Variants in SDK1 observed in about 807,000 individuals in gnomAD.
SDK1 encodes the protein sidekick cell adhesion molecule 1.
In SDK1, 157 loss-of-function variants were observed where a neutral mutation model predicts 245.5. The observed-to-expected ratio is 0.64, with a 90% confidence interval of 0.56 to 0.73. The LOEUF is 0.73. Among genes scored for constraint, SDK1 ranks in the 30% least tolerant of loss-of-function variants. The pLI, the probability that SDK1 is intolerant of heterozygous loss-of-function variation, is 0.00. For missense variants in SDK1, 3,583 were observed against 3,002.3 expected (o/e 1.19, Z -4.52); for synonymous variants, 1,647 against 1,278.5 (o/e 1.29, Z -6.15).
At chr7:3,434,506 G>T (rs1458468324) in intron 1 of SDK1, among the ~76,000 whole-genome samples, 1 of 152,136 alleles carries the variant, frequency 6.6e-6, no homozygotes, top group Non-Finnish European at 1.5e-5. Flanking sequence ...ATTTATTAAG[G>T]ATCTTGCATG....
intron 1 of SDK1, among the ~76,000 whole-genome samples, chr7:3,462,875 A>AGT (rs1780876574): frequency 6.6e-6 from 1 of 152,192 alleles, no homozygotes; most frequent in South Asian, 2.1e-4. Flanking sequence ...GGGAAACAGA[A>AGT]GTGATATCAT....
At chr7:3,450,076 G>T (rs1363881243) in intron 1 of SDK1, among the ~76,000 whole-genome samples, 2 of 152,226 alleles carry the variant, frequency 1.3e-5, no homozygotes, top group Non-Finnish European at 2.9e-5. Context: ...GGAGGGAGAG[G>T]AGCTTTCAAC....
At chr7:4,127,208 A>G (rs1355915495) in intron 25 of SDK1, among the ~76,000 whole-genome samples, 173 bp from the exon 26 acceptor site, 4 of 152,232 alleles carry the variant, frequency 2.6e-5, no homozygotes, top group Non-Finnish European at 5.9e-5. Context: ...TGTTGCTAAT[A>G]TTAAAGAGAT....
At chr7:4,008,955 T>A (rs1583814654) in intron 14 of SDK1, among the ~76,000 whole-genome samples, 1 of 152,240 alleles carries the variant, frequency 6.6e-6, no homozygotes, top group African/African-American at 2.4e-5. Flanking sequence ...CTGTCTTAAT[T>A]TTTTGAAGAG....
intron 4 of SDK1, among the ~76,000 whole-genome samples, chr7:3,661,908 A>G (rs1479988911): frequency 2.6e-5 from 4 of 152,160 alleles, no homozygotes; most frequent in African/African-American, 9.7e-5. Flanking sequence ...CTGTTTAAGC[A>G]CGTGCAACTC....
intron 1 of SDK1, among the ~76,000 whole-genome samples, chr7:3,415,759 A>T (rs1779348011): frequency 6.6e-6 from 1 of 151,448 alleles, no homozygotes; most frequent in East Asian, 1.9e-4. Flanking sequence ...CATTTCTGTT[A>T]CATGACTGTA....
intron 1 of SDK1, among the ~76,000 whole-genome samples, chr7:3,538,472 A>T (rs1778959494): frequency 6.6e-6 from 1 of 152,102 alleles, no homozygotes; most frequent in African/African-American, 2.4e-5. Context: ...GAATTTCCTT[A>T]TTTACCGTGA....
chr7:3,584,432 A>T (rs1034807517), intron 1 of SDK1, among the ~76,000 whole-genome samples: 1 of 151,998 alleles, frequency 6.6e-6, no homozygotes, highest in Non-Finnish European at 1.5e-5. Flanking sequence ...TCGTTTCTGG[A>T]CTTGGATAAA....
intron 4 of SDK1, among the ~76,000 whole-genome samples, chr7:3,664,183 A>T (rs1257129666): frequency 6.6e-6 from 1 of 152,150 alleles, no homozygotes; most frequent in African/African-American, 2.4e-5. Flanking sequence ...TGACAAAAAC[A>T]TACATACCTT....
intron 4 of SDK1, among the ~76,000 whole-genome samples, chr7:3,657,833 T>A (rs1783236636): frequency 6.6e-6 from 1 of 152,184 alleles, no homozygotes; most frequent in Non-Finnish European, 1.5e-5. Flanking sequence ...ACACCAATTT[T>A]GTGGATGACT....
intron 10 of SDK1, 57 bp from the exon 11 acceptor site, chr7:3,969,200 T>G: frequency 6.9e-7 from 1 of 1,441,194 alleles, no homozygotes. Context: ...AACCACTATC[T>G]TCATTTCCTT....
In SDK1 at chr7:4,093,445, T is replaced by G. The variant is rs545762860; in HGVS notation, c.3324+13861T>G. Among the ~76,000 whole-genome samples, 86 of 119,680 alleles carry G rather than the reference T, an allele frequency of 7.2e-4. 1 individual carries two copies. Among genetic ancestry groups the G allele is most frequent in the African/African-American group, 2.5e-3 (82 of 32,398 alleles). The allele number at this position is 119,680 out of a possible 152,430, so 78.5% of individuals were successfully genotyped here. A position where few individuals can be genotyped will look rare whatever the true frequency, so the allele number is the denominator to read the frequency against. On this transcript the variant is annotated intron_variant, in intron 22 of 44. Transcript: ENST00000404826. ...GGTACAGCTAAAACTGTTTTCATTCTGAAAATGGAAAGCAAAAAAAAAAAA... is the reference window on the plus strand; with the variant it reads ...GGTACAGCTAAAACTGTTTTCATTCGGAAAATGGAAAGCAAAAAAAAAAAA...
chr7:3,514,215 T>C (rs554700840), intron 1 of SDK1, among the ~76,000 whole-genome samples: 1 of 152,314 alleles, frequency 6.6e-6, no homozygotes, highest in South Asian at 2.1e-4. Context: ...GTCTGATTTT[T>C]GTGTATAGGA....
chr7:3,876,865 G>C (rs543365021), intron 5 of SDK1, among the ~76,000 whole-genome samples: 1 of 152,126 alleles, frequency 6.6e-6, no homozygotes, highest in Non-Finnish European at 1.5e-5. Flanking sequence ...CTTCACACAG[G>C]GGCCCCAAAA....
At chr7:3,394,644 A>G (rs537347025) in intron 1 of SDK1, among the ~76,000 whole-genome samples, 2 of 152,064 alleles carry the variant, frequency 1.3e-5, no homozygotes, top group Non-Finnish European at 2.9e-5. Flanking sequence ...GAGTCTTTCG[A>G]TCCATAAATA....
rs563516729 is a variant in SDK1, at chr7:3,842,337, C to T, written c.847+20754C>T. On this transcript the variant is annotated intron_variant, in intron 5 of 44. Coordinates refer to ENST00000404826, the MANE Select transcript of SDK1 (RefSeq NM_152744.4). Reference sequence around the variant, plus strand: ...TCCACTGGAGAATACCCAAGGGTGCCCTGGACCAACAGTCAAAGAAGTCAC... The same window carrying T: ...TCCACTGGAGAATACCCAAGGGTGCTCTGGACCAACAGTCAAAGAAGTCAC... Among the ~76,000 whole-genome samples the T allele has an allele frequency of 2.9e-4, 44 of 152,270 alleles. 1 individual carries two copies. The South Asian group carries it at 8.7e-3, about 30-fold the overall frequency.
intron 4 of SDK1, among the ~76,000 whole-genome samples, chr7:3,679,435 C>T (rs1038794669): frequency 1.1e-4 from 16 of 152,094 alleles, no homozygotes; most frequent in African/African-American, 1.9e-4. Flanking sequence ...GGCGCGGTGG[C>T]GGGCGCCTGT....
intron 4 of SDK1, among the ~76,000 whole-genome samples, chr7:3,800,222 C>A (rs970818567): frequency 3.3e-5 from 5 of 152,016 alleles, no homozygotes; most frequent in Admixed American, 6.6e-5. Flanking sequence ...AATTTTTAAT[C>A]CCTTGTTCTC....
intron 4 of SDK1, among the ~76,000 whole-genome samples, chr7:3,661,937 A>C (rs1188124842): frequency 6.6e-6 from 1 of 151,812 alleles, no homozygotes; most frequent in Admixed American, 6.6e-5. Flanking sequence ...TTAGACTACT[A>C]CCTGGGTGTA....
Sources: allele counts gnomAD v4.1 joint callset (sites outside exome capture counted in the v4.1 genomes callset), GRCh38; gene constraint gnomAD v4.1.1; transcripts MANE v1.5; gene names NCBI Gene and HGNC (gene_info 2026-07-23, HGNC 2026-07-21).